Variants in DPP10 observed in about 807,000 individuals in gnomAD.
DPP10 encodes the protein inactive dipeptidyl peptidase 10.
DPP10 carries 33 observed loss-of-function variants against 120.9 expected under a neutral mutation model. The observed-to-expected ratio is 0.27, with a 90% CI of 0.21 to 0.37. DPP10 has a LOEUF of 0.37. Among genes scored for constraint, DPP10 ranks in the 10% least tolerant of loss-of-function variants. The pLI is 1.00. For synonymous variants in DPP10, 337 were observed against 326.1 expected, an observed-to-expected ratio of 1.03 and a Z score of -0.36; for missense variants, 816 against 942.8, an observed-to-expected ratio of 0.87 and a Z score of 1.76.
intron 1 of DPP10, among the ~76,000 whole-genome samples, chr2:115,024,542 T>A (rs2105199274): frequency 6.6e-6 from 1 of 151,634 alleles, no homozygotes; most frequent in Middle Eastern, 3.4e-3. Flanking sequence ...GCACATGTTT[T>A]CAGGGTACAT....
At chr2:115,492,859 G>T (rs959836887) in intron 3 of DPP10, among the ~76,000 whole-genome samples, 7 of 152,024 alleles carry the variant, frequency 4.6e-5, no homozygotes, top group African/African-American at 1.7e-4. Flanking sequence ...ATATTAACTG[G>T]CACAGGAGTT....
At chr2:114,847,355 A>C (rs528430476) in intron 1 of DPP10, among the ~76,000 whole-genome samples, 2 of 152,144 alleles carry the variant, frequency 1.3e-5, no homozygotes, top group South Asian at 4.2e-4. Context: ...ATCATGCTTG[A>C]CTTTCCTGAG....
rs562943804 is a variant in DPP10 at position 115,358,368 on chromosome 2, C to T, written c.271+14456C>T. Among the ~76,000 whole-genome samples the T allele has an allele frequency of 3.9e-5, 6 of 152,254 alleles. No individual in the cohort carries two copies. In the East Asian group the frequency reaches 1.2e-3, roughly 29 times the overall value. On this transcript the variant is annotated intron_variant, in intron 3 of 25. Coordinates refer to ENST00000410059, the MANE Select transcript of DPP10 (RefSeq NM_020868.6). Reference sequence around the variant, plus strand: ...AGCAAGAGTGACCTTTACTCCAGTTCCCAACAAGTTTCTTGTCTCCATCTG... The same window carrying T: ...AGCAAGAGTGACCTTTACTCCAGTTTCCAACAAGTTTCTTGTCTCCATCTG...
intron 19 of DPP10, among the ~76,000 whole-genome samples, chr2:115,800,156 G>T (rs1685022968): frequency 6.6e-6 from 1 of 151,612 alleles, no homozygotes; most frequent in African/African-American, 2.4e-5. Context: ...ATCTCATTGT[G>T]GTTTTGATTT....
At chr2:115,620,082 A>G (rs1419221397) in intron 5 of DPP10, among the ~76,000 whole-genome samples, 1 of 152,152 alleles carries the variant, frequency 6.6e-6, no homozygotes, top group Non-Finnish European at 1.5e-5. Context: ...GTTCGTTGCA[A>G]TATACACCAG....
intron 1 of DPP10, among the ~76,000 whole-genome samples, chr2:115,099,677 C>T (rs1159068651): frequency 2.0e-5 from 3 of 152,186 alleles, no homozygotes; most frequent in African/African-American, 7.2e-5. Context: ...ATGTATTATA[C>T]TGTTGAGGAT....
intron 21 of DPP10, among the ~76,000 whole-genome samples, chr2:115,829,919 CA>C (rs1688748171): frequency 6.6e-6 from 1 of 152,050 alleles, no homozygotes; most frequent in Admixed American, 6.6e-5. Context: ...AGACATTAAG[CA>C]ACTTTAGTTT....
intron 3 of DPP10, among the ~76,000 whole-genome samples, chr2:115,409,707 C>T (rs186927079): frequency 1.3e-5 from 2 of 152,234 alleles, no homozygotes; most frequent in African/African-American, 2.4e-5. Context: ...AACACACATG[C>T]ATGCACATGT....
chr2:115,407,793 G>T (rs766751439), intron 3 of DPP10, among the ~76,000 whole-genome samples: 2 of 152,148 alleles, frequency 1.3e-5, no homozygotes, highest in African/African-American at 4.8e-5. Flanking sequence ...CCAGTTTGGA[G>T]GATGCATATG....
At chr2:115,718,634 A>C (rs1263408613) in intron 7 of DPP10, among the ~76,000 whole-genome samples, 1 of 151,886 alleles carries the variant, frequency 6.6e-6, no homozygotes, top group Non-Finnish European at 1.5e-5. Flanking sequence ...CATTGGTTTT[A>C]TTTTTCCTTA....
chr2:115,555,978 G>C (rs945292975), intron 5 of DPP10, among the ~76,000 whole-genome samples: 1 of 152,068 alleles, frequency 6.6e-6, no homozygotes, highest in Non-Finnish European at 1.5e-5. Context: ...ATTTCTGTGT[G>C]TGTTTTCAAG....
intron 12 of DPP10, among the ~76,000 whole-genome samples, chr2:115,765,885 CAT>C (rs912482936): frequency 1.3e-5 from 2 of 152,044 alleles, no homozygotes; most frequent in African/African-American, 4.8e-5. Context: ...AAATTTATTA[CAT>C]ATGTTACTTA....
At chr2:114,553,695 T>A (rs887567905) in intron 1 of DPP10, among the ~76,000 whole-genome samples, 67 of 152,204 alleles carry the variant, frequency 4.4e-4, no homozygotes, top group African/African-American at 1.6e-3. Flanking sequence ...TTTATTTTTT[T>A]TTCCACAGTA....
chr2:114,482,341 CTATT>C (rs1221612838), intron 1 of DPP10, among the ~76,000 whole-genome samples: 1 of 152,082 alleles, frequency 6.6e-6, no homozygotes, highest in Non-Finnish European at 1.5e-5. Flanking sequence ...CTATTTTTGC[CTATT>C]TATTAAAACA....
At chr2:115,440,676 A>G (rs2104863534) in intron 3 of DPP10, among the ~76,000 whole-genome samples, 2 of 152,384 alleles carry the variant, frequency 1.3e-5, no homozygotes, top group East Asian at 3.9e-4. Context: ...CAGAAGTAAA[A>G]ACATGCAAGA....
At chr2:115,067,755 C>G (rs1228755727) in intron 1 of DPP10, among the ~76,000 whole-genome samples, 11 of 142,314 alleles carry the variant, frequency 7.7e-5, no homozygotes, top group Non-Finnish European at 1.7e-4. Context: ...CCCAGCTACT[C>G]GGGAGGCTGA....
chr2:115,440,566 C>A lies in DPP10; in HGVS notation c.272-58944C>A, dbSNP rs536816117. On this transcript the variant is annotated intron_variant, in intron 3 of 25. Coordinates refer to ENST00000410059, the MANE Select transcript of DPP10 (RefSeq NM_020868.6). ...TTTATTAAGCCGGCGGCCAAAGAGA[C>A]GGCTAACGCTCAAAATTCTCTCGGC... Among the ~76,000 whole-genome samples, 9 of 152,264 alleles carry A rather than the reference C, an allele frequency of 5.9e-5. No homozygotes were observed. The East Asian group carries it at 1.4e-3, about 23-fold the overall frequency.
intron 1 of DPP10, among the ~76,000 whole-genome samples, chr2:114,470,531 G>T (rs1301508343): frequency 1.3e-5 from 2 of 152,146 alleles, no homozygotes; most frequent in Non-Finnish European, 2.9e-5. Flanking sequence ...TGGCTACAGG[G>T]ATATTTCTTT....
intron 1 of DPP10, chr2:115,161,478 T>TCCC (rs761529882): frequency 8.6e-4 from 122 of 142,632 alleles, no homozygotes; most frequent in African/African-American, 2.9e-3. Flanking sequence ...CTCCGGGCTC[T>TCCC]CCCCCCCCCC....
Sources: gnomAD v4.1 joint callset for allele counts (sites outside exome capture counted in the v4.1 genomes callset) on GRCh38, gnomAD v4.1.1 for gene constraint, MANE v1.5 for transcripts, NCBI Gene and HGNC (gene_info 2026-07-23, HGNC 2026-07-21) for gene names.